The following KCTD8 variants were observed in gnomAD, a reference collection of about 807,000 sequenced individuals.
The protein encoded by KCTD8 is BTB/POZ domain-containing protein KCTD8.
A neutral mutation model predicts 31.5 loss-of-function variants in KCTD8; 27 were observed. That is an observed-to-expected ratio of 0.86 (90% CI 0.63 to 1.18). The LOEUF (loss-of-function observed/expected upper bound fraction) is 1.18. Ranked by LOEUF, KCTD8 falls within the 50% of genes most tolerant of loss-of-function variation. KCTD8 has a pLI of 0.00. For missense variants in KCTD8, 658 were observed against 647.7 expected, an observed-to-expected ratio of 1.02 and a Z score of -0.17; for synonymous variants, 290 against 280.0, an observed-to-expected ratio of 1.04 and a Z score of -0.36.
intron 1 of KCTD8, among the ~76,000 whole-genome samples, chr4:44,431,765 T>C (rs138682678): frequency 3.5e-4 from 53 of 151,700 alleles, no homozygotes; most frequent in African/African-American, 1.3e-3. Context: ...TTTGTGACCC[T>C]AGCATTTTTC....
At chr4:44,251,464 C>T (rs1349698040) in intron 1 of KCTD8, among the ~76,000 whole-genome samples, 1 of 151,560 alleles carries the variant, frequency 6.6e-6, no homozygotes, top group African/African-American at 2.4e-5. Context: ...GTAAATCTCT[C>T]AACTTATTTG....
intron 1 of KCTD8, among the ~76,000 whole-genome samples, chr4:44,233,145 G>A (rs1488173313): frequency 6.6e-6 from 1 of 151,446 alleles, no homozygotes; most frequent in Non-Finnish European, 1.5e-5. Context: ...TTCACATTAT[G>A]GAACACTATC....
chr4:44,302,956 T>G (rs1404684416), intron 1 of KCTD8, among the ~76,000 whole-genome samples: 1 of 152,182 alleles, frequency 6.6e-6, no homozygotes, highest in East Asian at 1.9e-4. Context: ...CAAAGGCCTT[T>G]TCTGCATCTA....
intron 1 of KCTD8, among the ~76,000 whole-genome samples, chr4:44,359,296 T>G (rs1227807757): frequency 6.6e-6 from 1 of 152,098 alleles, no homozygotes; most frequent in Non-Finnish European, 1.5e-5. Flanking sequence ...TTTTTAACAC[T>G]GTTGCTTCTT....
chr4:44,364,834 G>A (rs1216768214), intron 1 of KCTD8, among the ~76,000 whole-genome samples: 3 of 151,644 alleles, frequency 2.0e-5, no homozygotes, highest in Non-Finnish European at 4.4e-5. Context: ...CCAAATATAT[G>A]ACATTCTGGG....
intron 1 of KCTD8, among the ~76,000 whole-genome samples, chr4:44,229,151 C>T (rs373848726): frequency 9.2e-5 from 14 of 152,260 alleles, no homozygotes; most frequent in African/African-American, 2.4e-4. Flanking sequence ...AAAATACTTA[C>T]AACTACAGCT....
chr4:44,421,127 T>C (rs1027271110), intron 1 of KCTD8, among the ~76,000 whole-genome samples: 1 of 152,138 alleles, frequency 6.6e-6, no homozygotes, highest in Non-Finnish European at 1.5e-5. Context: ...AGAGGATCAG[T>C]TGTCTCCATA....
intron 1 of KCTD8, among the ~76,000 whole-genome samples, chr4:44,427,443 T>C (rs1256165749): frequency 6.6e-6 from 1 of 151,226 alleles, no homozygotes; most frequent in African/African-American, 2.4e-5. Flanking sequence ...AAAACTACAA[T>C]GTAGATAACA....
chr4:44,203,495 C>CA (rs554145266), intron 1 of KCTD8, among the ~76,000 whole-genome samples: 1,169 of 43,794 alleles, frequency 0.027, 23 homozygotes, highest in African/African-American at 0.059. Context: ...GACTCCATCT[C>CA]AAAAAAAAAA....
chr4:44,448,148 C>A lies in KCTD8; in HGVS notation c.376G>T (p.Glu126Ter). ...KQLALPEHFPEKERLLREAEY... is the reference protein window; with the variant it reads ...KQLALPEHFP ...GCCTCGCGCAGCAGCCGCTCCTTCTCGGGGAAGTGCTCCGGCAGCGCGAGT... is the reference window on the plus strand; with the variant it reads ...GCCTCGCGCAGCAGCCGCTCCTTCTAGGGGAAGTGCTCCGGCAGCGCGAGT... Residue 126 changes from glutamate (E) to a stop codon, truncating the protein, a stop_gained, in exon 1 of 2, where the codon GAG becomes TAG. Transcript: ENST00000360029. LOFTEE classifies it high-confidence loss of function. The surrounding 1 kb of genome is among the most constrained non-coding windows in gnomAD (Gnocchi z 4.1). 6.2e-7 allele frequency: 1 copy of A among 1,612,602 alleles called. No individual in the cohort carries two copies. The highest frequency in any genetic ancestry group is 8.5e-7 in the Non-Finnish European group (1 of 1,179,806).
chr4:44,445,429 A>G (rs1291204409), intron 1 of KCTD8, among the ~76,000 whole-genome samples: 1 of 152,192 alleles, frequency 6.6e-6, no homozygotes, highest in African/African-American at 2.4e-5. Context: ...CATTAATAAT[A>G]TGAGTACTCT....
chr4:44,401,730 A>G (rs1407380886), intron 1 of KCTD8, among the ~76,000 whole-genome samples: 1 of 152,200 alleles, frequency 6.6e-6, no homozygotes, highest in East Asian at 1.9e-4. Context: ...CACAGGACAT[A>G]GGACATACTA....
intron 1 of KCTD8, among the ~76,000 whole-genome samples, chr4:44,280,925 A>G (rs1347041499): frequency 6.6e-6 from 1 of 152,084 alleles, no homozygotes; most frequent in Non-Finnish European, 1.5e-5. Context: ...TGGTATAGCT[A>G]GAGGTAGCTT....
intron 1 of KCTD8, among the ~76,000 whole-genome samples, chr4:44,395,411 G>A (rs1441857098): frequency 3.3e-5 from 5 of 152,126 alleles, no homozygotes; most frequent in South Asian, 4.1e-4. Flanking sequence ...GACACAACAC[G>A]GTACCTGATT....
intron 1 of KCTD8, among the ~76,000 whole-genome samples, chr4:44,189,113 T>G (rs1713682008): frequency 6.6e-6 from 1 of 152,212 alleles, no homozygotes; most frequent in Admixed American, 6.5e-5. Flanking sequence ...AACTGTTCTA[T>G]TAAAATAAAA....
At chr4:44,333,878 G>T (rs73247507) in intron 1 of KCTD8, among the ~76,000 whole-genome samples, 18,083 of 152,050 alleles carry the variant, frequency 0.12, 1,303 homozygotes, top group East Asian at 0.25. Context: ...AAGAAAAAAA[G>T]TCGATCATTT....
At chr4:44,224,993 C>T (rs1050564289) in intron 1 of KCTD8, among the ~76,000 whole-genome samples, 1 of 152,120 alleles carries the variant, frequency 6.6e-6, no homozygotes, top group Non-Finnish European at 1.5e-5. Context: ...TGACCCCATA[C>T]AATTTTAAGG....
intron 1 of KCTD8, among the ~76,000 whole-genome samples, chr4:44,343,808 C>T (rs1329005495): frequency 6.6e-6 from 1 of 152,078 alleles, no homozygotes; most frequent in Non-Finnish European, 1.5e-5. Flanking sequence ...GTGTCTACTA[C>T]CTGAAAATTA....
chr4:44,259,333 A>G (rs1448876940), intron 1 of KCTD8, among the ~76,000 whole-genome samples: 1 of 151,936 alleles, frequency 6.6e-6, no homozygotes, highest in South Asian at 2.1e-4. Flanking sequence ...AAATATAATC[A>G]GCCGGTTTCT....
Sources: gnomAD v4.1 joint callset for allele counts (sites outside exome capture counted in the v4.1 genomes callset) on GRCh38, gnomAD v4.1.1 for gene constraint, Gnocchi (gnomAD v3.1) non-coding constraint, MANE v1.5 for transcripts, NCBI Gene and HGNC (gene_info 2026-07-23, HGNC 2026-07-21) for gene names.